The following IL22RA1 variants were observed in gnomAD, a reference collection of about 807,000 sequenced individuals.
The protein encoded by IL22RA1 is interleukin 22 receptor subunit alpha 1, also known as interleukin-22 receptor subunit alpha-1.
IL22RA1 carries 25 observed loss-of-function variants against 32.8 expected under a neutral mutation model. The ratio of observed to expected loss-of-function variants is 0.76; its 90% CI spans 0.55 to 1.06. The LOEUF is 1.06. Among genes scored for constraint, IL22RA1 ranks in the 50% least tolerant of loss-of-function variants. IL22RA1 has a pLI of 0.00. For synonymous variants in IL22RA1, 305 were observed against 305.0 expected, an observed-to-expected ratio of 1.00 and a Z score of 0.00; for missense variants, 709 against 727.4, an observed-to-expected ratio of 0.97 and a Z score of 0.29.
chr1:24,123,224 AT>A lies in IL22RA1; in HGVS notation c.792+77del, dbSNP rs1231661921. ...TCCTGCTTTGTCTGTGGATCCCTGCATTTTGGGGACAACTGGGGACCTCGGA... is the reference window on the plus strand; with the variant it reads ...TCCTGCTTTGTCTGTGGATCCCTGCATTTGGGGACAACTGGGGACCTCGGA... On this transcript the variant is annotated intron_variant, in intron 6 of 6. Coordinates refer to ENST00000270800, the MANE Select transcript of IL22RA1 (RefSeq NM_021258.4). 2.6e-6 allele frequency: 4 copies of A among 1,530,028 alleles called. No individual in the cohort carries two copies. In the African/African-American group the frequency reaches 5.5e-5, roughly 21 times the overall value. 94.8% of individuals were successfully genotyped at this position (1,530,028 alleles called of 1,614,324 possible).
In IL22RA1 at chr1:24,128,158, C is replaced by G; in HGVS notation, c.653G>C (p.Arg218Pro). ...GAACTCACCTGGCAGTGTCTTCACT[C>G]GGCACATGTAGGGGGCACTCTCCTT... ...WAKESAPYMC[R>P]VKTLPDRTWT... Residue 218 changes from arginine to proline, a missense_variant, in exon 5 of 7, where the codon CGA becomes CCA. By Grantham distance (103) the Arg-to-Pro change is moderately radical (BLOSUM62 -2). Coordinates refer to ENST00000270800, the MANE Select transcript of IL22RA1 (RefSeq NM_021258.4). The G allele has an allele frequency of 1.9e-6, 3 of 1,550,502 alleles. No individual in the cohort carries two copies. The highest frequency in any genetic ancestry group is 2.6e-6 in the Non-Finnish European group (3 of 1,146,648).
At position 24,137,269 on chromosome 1, in the gene IL22RA1, G is replaced by T. The variant is rs373981247; in HGVS notation, c.217C>A (p.Arg73=). The change falls in exon 3 of 7, where the codon CGG becomes AGG. Residue 73 remains arginine (R), a synonymous_variant. Transcript: ENST00000270800. The part of the protein sequence containing the change: ...RDWVAKKGCQ[R]ITRKSCNLTV... ...AGGTTGCAGGACTTCCGGGTGATCC[G>T]CTGACAGCCCTTCTTTGCCACCCAG... is the stretch of plus-strand genomic sequence containing the variant. 1 of 1,614,082 alleles carries T rather than the reference G, an allele frequency of 6.2e-7. No individual in the cohort carries two copies. Among genetic ancestry groups the T allele is most frequent in the South Asian group, 1.1e-5 (1 of 91,076 alleles).
Position 24,121,304 on chromosome 1 carries a change from C to A in IL22RA1, c.1226G>T (p.Gly409Val), listed in dbSNP as rs753055722. The A allele has an allele frequency of 1.9e-6, 3 of 1,613,350 alleles. No individual in the cohort carries two copies. The highest frequency in any genetic ancestry group is 2.2e-5 in the East Asian group (1 of 44,860). Residue 409 changes from glycine (G) to valine (V), a missense_variant, in exon 7 of 7, where the codon GGT becomes GTT. Gly to Val is a moderately radical substitution (Grantham distance 109). Coordinates refer to ENST00000270800, the MANE Select transcript of IL22RA1 (RefSeq NM_021258.4). ...CCCAGTGGGGGAGTCTTTGCCAGAA[C>A]CTTCCATGCATACCCCATAGGAGGG... ...WPPSYGVCME[G>V]SGKDSPTGTL... is the part of the protein sequence containing the mutation.
chr1:24,122,479 A>G (rs1327699922), intron 6 of IL22RA1, among the ~76,000 whole-genome samples: 2 of 152,126 alleles, frequency 1.3e-5, no homozygotes, highest in Non-Finnish European at 2.9e-5. Flanking sequence ...CCACTTAACA[A>G]TTAGTTTTGC....
At chr1:24,133,903 G>T (rs1644223848) in intron 4 of IL22RA1, among the ~76,000 whole-genome samples, 1 of 151,738 alleles carries the variant, frequency 6.6e-6, no homozygotes, top group Non-Finnish European at 1.5e-5. Flanking sequence ...AAAACTTAAA[G>T]TATAATAATA....
intron 4 of IL22RA1, among the ~76,000 whole-genome samples, chr1:24,132,534 G>T (rs963313551): frequency 6.6e-6 from 1 of 151,676 alleles, no homozygotes; most frequent in South Asian, 2.1e-4. Flanking sequence ...GGGTTTCACC[G>T]TGTTAGCCAG....
Position 24,134,289 on chromosome 1 carries a change from G to A in IL22RA1, c.453C>T (p.Gly151=). ...AGATGTCTTCCAGGGTTAGCCGGTGGCCATCGCCTGCACGGATTGGCGTGG... is the reference window on the plus strand; with the variant it reads ...AGATGTCTTCCAGGGTTAGCCGGTGACCATCGCCTGCACGGATTGGCGTGG... The part of the protein sequence containing the change: ...PTPTPIRAGD[G]HRLTLEDIFH... The change falls in exon 4 of 7, where the codon GGC becomes GGT. Residue 151 remains glycine, a synonymous_variant. Coordinates refer to ENST00000270800, the MANE Select transcript of IL22RA1 (RefSeq NM_021258.4). 1 of 1,610,290 alleles carries A rather than the reference G, an allele frequency of 6.2e-7. No homozygotes were observed. The highest frequency in any genetic ancestry group is 8.5e-7 in the Non-Finnish European group (1 of 1,178,062).
Position 24,133,214 on chromosome 1 carries a change from A to G in IL22RA1, c.531+997T>C, listed in dbSNP as rs547260611. Among the ~76,000 whole-genome samples, 31 of 151,994 alleles carry G rather than the reference A, an allele frequency of 2.0e-4. No individual in the cohort carries two copies. The East Asian group carries it at 3.3e-3, about 16-fold the overall frequency. On this transcript the variant is annotated intron_variant, in intron 4 of 6. Coordinates refer to ENST00000270800, the MANE Select transcript of IL22RA1 (RefSeq NM_021258.4). ...ATGCATATTAGGCTTTCTGGAAGCC[A>G]GTACCAATTTCTGCGGCATGCCAGG... is the stretch of plus-strand genomic sequence containing the variant.
intron 3 of IL22RA1, chr1:24,134,760 C>T (rs1644231351): frequency 1.3e-6 from 1 of 774,846 alleles, no homozygotes; most frequent in Non-Finnish European, 1.6e-6. Flanking sequence ...TTGGGGATGT[C>T]AATGACATCA....
intron 2 of IL22RA1, 58 bp from the exon 3 acceptor site, chr1:24,137,367 G>A (rs540413146): frequency 3.1e-5 from 46 of 1,507,636 alleles, no homozygotes; most frequent in Non-Finnish European, 3.8e-5. Flanking sequence ...CGCTAGGCCT[G>A]TGGCTTATTA....
In IL22RA1 at chr1:24,120,999, G is replaced by C. The variant is rs776839977; in HGVS notation, c.1531C>G (p.Leu511Val). The change falls in exon 7 of 7, where the codon CTC (leucine) becomes GTC (valine). Residue 511 changes from leucine to valine, a missense_variant. Physicochemically the swap from Leu to Val is conservative, Grantham distance 32. Coordinates refer to ENST00000270800, the MANE Select transcript of IL22RA1 (RefSeq NM_021258.4). ...SVQIEGHPMS[L>V]PLQPPSRPCS... ...GGACGGGAAGGAGGTTGCAAAGGGAGGGACATGGGGTGGCCCTCGATCTGG... is the reference window on the plus strand; with the variant it reads ...GGACGGGAAGGAGGTTGCAAAGGGACGGACATGGGGTGGCCCTCGATCTGG... 6.2e-7 allele frequency: 1 copy of C among 1,614,118 alleles called. No homozygotes were observed. Among genetic ancestry groups the C allele is most frequent in the Non-Finnish European group, 8.5e-7 (1 of 1,179,956 alleles).
At chr1:24,136,212 C>A (rs1230827060) in intron 3 of IL22RA1, among the ~76,000 whole-genome samples, 5 of 152,120 alleles carry the variant, frequency 3.3e-5, no homozygotes, top group Non-Finnish European at 4.4e-5. Flanking sequence ...GCCTCAGCCT[C>A]CCAAAGTGCT....
chr1:24,123,316 G>A lies in IL22RA1; in HGVS notation c.778C>T (p.Pro260Ser). The A allele has an allele frequency of 6.2e-7, 1 of 1,614,134 alleles. No homozygotes were observed. The highest frequency in any genetic ancestry group is 8.5e-7 in the Non-Finnish European group (1 of 1,179,994). The change falls in exon 6 of 7, where the codon CCT (proline) becomes TCT (serine). Residue 260 changes from proline (P) to serine (S), a missense_variant. Physicochemically the swap from Pro to Ser is moderately conservative, Grantham distance 74 (BLOSUM62 -1). Transcript: ENST00000270800. ...GGATGGCTCACCAGGGAGTTGGGAG[G>A]TGCAGGCGGCTTGGTGACATATCTG... is the stretch of plus-strand genomic sequence containing the variant. ...SYRYVTKPPA[P>S]PNSLNVQRVL...
Position 24,121,778 on chromosome 1 carries a change from T to C in IL22RA1, c.793-41A>G, listed in dbSNP as rs1570899928. The C allele has an allele frequency of 2.8e-6, 4 of 1,424,822 alleles. No homozygotes were observed. The Admixed American group carries it at 1.1e-4, about 39-fold the overall frequency. The allele number at this position is 1,424,822 out of a possible 1,614,324, so 88.3% of individuals were successfully genotyped here. ...AACAGTCACCCCCCTGTGGTTAGGG[T>C]AAGTCCCAAGCTCCCTACTGGTGAT... On this transcript the variant is annotated intron_variant, in intron 6 of 6. Coordinates refer to ENST00000270800, the MANE Select transcript of IL22RA1 (RefSeq NM_021258.4).
Position 24,137,056 on chromosome 1 carries a change from A to C in IL22RA1, c.355+75T>G, listed in dbSNP as rs1644247180. ...GGACCCTCCACCCACTCCAGAGGGG[A>C]AGAGGCCATCCCACCCCGCAAACAC... On this transcript the variant is annotated intron_variant, in intron 3 of 6. Coordinates refer to ENST00000270800, the MANE Select transcript of IL22RA1 (RefSeq NM_021258.4). 9.9e-6 allele frequency: 14 copies of C among 1,419,780 alleles called. No individual in the cohort carries two copies. In the East Asian group the frequency reaches 3.3e-4, roughly 33 times the overall value. The allele number at this position is 1,419,780 out of a possible 1,614,324, so 87.9% of individuals were successfully genotyped here.
chr1:24,138,485 G>T, intron 2 of IL22RA1, 97 bp downstream of exon 2: 1 of 1,366,926 alleles, frequency 7.3e-7, no homozygotes, highest in Non-Finnish European at 1.0e-6. Flanking sequence ...CACCAGTCCT[G>T]GTGGGGACAT....
At position 24,121,715 on chromosome 1, in the gene IL22RA1, A is replaced by C; in HGVS notation, c.815T>G (p.Phe272Cys). The C allele has an allele frequency of 2.6e-6, 4 of 1,554,192 alleles. No homozygotes were observed. The highest frequency in any genetic ancestry group is 3.5e-6 in the Non-Finnish European group (4 of 1,146,382). ...NSLNVQRVLTFQPLRFIQEHV... is the reference protein window; with the variant it reads ...NSLNVQRVLTCQPLRFIQEHV... The stretch of plus-strand genomic sequence containing the variant: ...CTCCTGGATGAAGCGCAGCGGCTGG[A>C]AAGTCAGGACTCGCTGGACGTTCTG... The change falls in exon 7 of 7, where the codon TTC becomes TGC. Residue 272 changes from phenylalanine to cysteine, a missense_variant. Phe to Cys is a radical substitution (Grantham distance 205). Transcript: ENST00000270800.
At chr1:24,132,526 G>T (rs1644213180) in intron 4 of IL22RA1, among the ~76,000 whole-genome samples, 1 of 151,666 alleles carries the variant, frequency 6.6e-6, no homozygotes, top group Non-Finnish European at 1.5e-5. Flanking sequence ...TAGGGACAGG[G>T]TTTCACCGTG....
chr1:24,128,790 G>T (rs1217731506), intron 4 of IL22RA1, among the ~76,000 whole-genome samples: 1 of 152,086 alleles, frequency 6.6e-6, no homozygotes, highest in Non-Finnish European at 1.5e-5. Flanking sequence ...CCATCTCTGG[G>T]TTTGCCCCTG....
Sources: gnomAD v4.1 joint callset for allele counts (sites outside exome capture counted in the v4.1 genomes callset) on GRCh38, gnomAD v4.1.1 for gene constraint, MANE v1.5 for transcripts, NCBI Gene and HGNC (gene_info 2026-07-23, HGNC 2026-07-21) for gene names.